The following ST3GAL5 variants were observed in gnomAD, a reference collection of about 807,000 sequenced individuals.
The protein encoded by ST3GAL5 is lactosylceramide alpha-2,3-sialyltransferase.
A neutral mutation model predicts 46.1 loss-of-function variants in ST3GAL5; 25 were observed. The ratio of observed to expected loss-of-function variants is 0.54; its 90% CI spans 0.40 to 0.76. The LOEUF (loss-of-function observed/expected upper bound fraction) is 0.76, where lower values mean the gene tolerates loss of function less well. Ranked by LOEUF, ST3GAL5 falls within the 30% of genes least tolerant of loss-of-function variation. The pLI is 0.00. For missense variants in ST3GAL5, 431 were observed against 521.2 expected (o/e 0.83, Z 1.69); for synonymous variants, 182 against 192.7 (o/e 0.94, Z 0.46).
chr2:85,868,286 T>C lies in ST3GAL5; in HGVS notation c.83-4801A>G, dbSNP rs140725085. Reference sequence around the variant, plus strand: ...ATTGCTAGAATAACTGTGTCATAAATTTCAATAGCAATTATACTTTTGCTT... The same window carrying C: ...ATTGCTAGAATAACTGTGTCATAAACTTCAATAGCAATTATACTTTTGCTT... On this transcript the variant is annotated intron_variant, in intron 1 of 6. Transcript: ENST00000638572. Among the ~76,000 whole-genome samples, 772 of 152,318 alleles carry C rather than the reference T, an allele frequency of 5.1e-3. 1 individual carries two copies. Among genetic ancestry groups the C allele is most frequent in the Middle Eastern group, 6.8e-3 (2 of 294 alleles).
Position 85,861,308 on chromosome 2 carries a change from T to C in ST3GAL5, c.207-16A>G, listed in dbSNP as rs1447028123. 6.7e-7 allele frequency: 1 copy of C among 1,493,528 alleles called. No individual in the cohort carries two copies. Among genetic ancestry groups the C allele is most frequent in the Non-Finnish European group, 9.3e-7 (1 of 1,070,914 alleles). The allele number at this position is 1,493,528 out of a possible 1,614,324, so 92.5% of individuals were successfully genotyped here. A position where few individuals can be genotyped will look rare whatever the true frequency, so the allele number is the denominator to read the frequency against. On this transcript the variant is annotated splice_polypyrimidine_tract_variant and intron_variant, in intron 2 of 6. Coordinates refer to ENST00000638572, the MANE Select transcript of ST3GAL5 (RefSeq NM_003896.4). ...CAATGTACATCTGGAAAAAAATCAA[T>C]TAGGTATTATGATGTAGTCATGTGA...
At position 85,840,276 on chromosome 2, in the gene ST3GAL5, G is replaced by A. The variant is rs1168659446; in HGVS notation, c.1125C>T (p.Phe375=). ...TCATAGCAGCCATGCATTGACTGTC[G>A]AAGTAGTGCAAAGGTGTTCTGGGTT... The part of the protein sequence containing the change: ...LNQPRTPLHY[F]DSQCMAAMNF... The change falls in exon 7 of 7, where the codon TTC becomes TTT. Residue 375 remains phenylalanine, a synonymous_variant. Coordinates refer to ENST00000638572, the MANE Select transcript of ST3GAL5 (RefSeq NM_003896.4). 11 of 1,614,042 alleles carry A rather than the reference G, an allele frequency of 6.8e-6. No individual in the cohort carries two copies. Among genetic ancestry groups the A allele is most frequent in the Non-Finnish European group, 8.5e-6 (10 of 1,180,040 alleles).
At position 85,882,438 on chromosome 2, in the gene ST3GAL5, C is replaced by A. The variant is rs576344001; in HGVS notation, c.82+6386G>T. Among the ~76,000 whole-genome samples the A allele has an allele frequency of 2.1e-3, 318 of 152,316 alleles. 1 individual carries two copies. The highest frequency in any genetic ancestry group is 7.2e-3 in the African/African-American group (298 of 41,568). ...TGGCTAGGAGGGAGGGCGTAACCTGCAAAGCCACAGGGGCAGAGCTGCCCA... is the reference window on the plus strand; with the variant it reads ...TGGCTAGGAGGGAGGGCGTAACCTGAAAAGCCACAGGGGCAGAGCTGCCCA... On this transcript the variant is annotated intron_variant, in intron 1 of 6. Coordinates refer to ENST00000638572, the MANE Select transcript of ST3GAL5 (RefSeq NM_003896.4).
Position 85,848,001 on chromosome 2 carries a change from G to C in ST3GAL5, c.522C>G (p.Leu174=), listed in dbSNP as rs766829186. 1.2e-5 allele frequency: 19 copies of C among 1,614,166 alleles called. No individual in the cohort carries two copies. The East Asian group carries it at 4.2e-4, about 36-fold the overall frequency. The change falls in exon 4 of 7, where the codon CTC becomes CTG. Residue 174 remains leucine (L), a synonymous_variant. Transcript: ENST00000638572. ...FRKFSSKVQT[L]LELLPEHDLP... ...GGTCGTGCTCTGGCAAGAGTTCCAA[G>C]AGGGTCTGGACTTTACTGGAGAACT... is the stretch of plus-strand genomic sequence containing the variant.
chr2:85,840,082 A>G lies in ST3GAL5; in HGVS notation c.*62T>C. ...ATCTGCAGGATGGAGAAATACATCAAGAAGGCTGTCAAAAACAGCTCTCAG... is the reference window on the plus strand; with the variant it reads ...ATCTGCAGGATGGAGAAATACATCAGGAAGGCTGTCAAAAACAGCTCTCAG... On this transcript the variant is annotated 3_prime_UTR_variant, in exon 7 of 7. Transcript: ENST00000638572. The G allele has an allele frequency of 1.9e-6, 3 of 1,612,362 alleles. No individual in the cohort carries two copies. Among genetic ancestry groups the G allele is most frequent in the Non-Finnish European group, 1.7e-6 (2 of 1,178,818 alleles).
chr2:85,864,002 G>A (rs563419485), intron 1 of ST3GAL5, among the ~76,000 whole-genome samples: 7 of 152,232 alleles, frequency 4.6e-5, no homozygotes, highest in East Asian at 1.9e-4. Flanking sequence ...CACTGCACCC[G>A]GCTGATTTTT....
chr2:85,853,910 T>C (rs1013795748), intron 3 of ST3GAL5: 1 of 152,182 alleles, frequency 6.6e-6, no homozygotes, highest in African/African-American at 2.4e-5. Context: ...TTTTGAAAAG[T>C]GGAGCATTTT....
Position 85,853,219 on chromosome 2 carries a change from C to T in ST3GAL5, c.319-5015G>A, listed in dbSNP as rs552422116. 1.8e-4 allele frequency: 92 copies of T among 523,684 alleles called. No individual in the cohort carries two copies. The African/African-American group carries it at 1.8e-3, about 10-fold the overall frequency. 32.4% of individuals were successfully genotyped at this position (523,684 alleles called of 1,614,324 possible). A position where few individuals can be genotyped will look rare whatever the true frequency, so the allele number is the denominator to read the frequency against. ...TTTTGAGTGCAATTTCACATCTGAA[C>T]CACACTTTCAAAGTGTCCAGGCATC... On this transcript the variant is annotated intron_variant, in intron 3 of 6. Coordinates refer to ENST00000638572, the MANE Select transcript of ST3GAL5 (RefSeq NM_003896.4).
intron 1 of ST3GAL5, among the ~76,000 whole-genome samples, chr2:85,884,547 G>A (rs1687543226): frequency 6.6e-6 from 1 of 152,194 alleles, no homozygotes; most frequent in South Asian, 2.1e-4. Flanking sequence ...GGATGAGCAA[G>A]AAGCCCACAT....
rs373154047 is a variant in ST3GAL5 at position 85,857,066 on chromosome 2, CAAAAAAAAAAAAAA to C, written c.318+4101_318+4114del. On this transcript the variant is annotated intron_variant, in intron 3 of 6. Transcript: ENST00000638572. ...AAACACGGTAAGACCCTGCCTCTAC[CAAAAAAAAAAAAAA>C]AAAAAAAAAAAAAAAAATAGGCACG... 0.014 allele frequency among the ~76,000 whole-genome samples: 979 copies of C among 71,014 alleles called. 66 individuals are homozygous for C. In the East Asian group the frequency reaches 0.18, roughly 13 times the overall value. The allele number at this position is 71,014 out of a possible 152,430, so 46.6% of individuals were successfully genotyped here.
At chr2:85,848,795 T>C (rs1015237490) in intron 3 of ST3GAL5, 7 of 158,544 alleles carry the variant, frequency 4.4e-5, no homozygotes, top group Non-Finnish European at 9.8e-5. Flanking sequence ...TACTTAATGC[T>C]GCCAAATGGT....
In ST3GAL5 at chr2:85,880,142, C is replaced by A. The variant is rs558756283; in HGVS notation, c.82+8682G>T. Among the ~76,000 whole-genome samples the A allele has an allele frequency of 2.1e-4, 32 of 152,112 alleles. 1 individual carries two copies. Among genetic ancestry groups the A allele is most frequent in the Admixed American group, 7.2e-4 (11 of 15,270 alleles). ...AAAGCCCCAAATCAGAAAATAATGA[C>A]CCTAGAAAAGGAACTGGAGGGACAG... On this transcript the variant is annotated intron_variant, in intron 1 of 6. Coordinates refer to ENST00000638572, the MANE Select transcript of ST3GAL5 (RefSeq NM_003896.4).
intron 1 of ST3GAL5, among the ~76,000 whole-genome samples, chr2:85,870,678 CTTT>C (rs898048174): frequency 6.9e-6 from 1 of 143,948 alleles, no homozygotes. Flanking sequence ...TAATCGTACA[CTTT>C]TTTTTTTTTT....
intron 3 of ST3GAL5, chr2:85,851,815 A>C: frequency 2.4e-6 from 2 of 845,126 alleles, no homozygotes; most frequent in South Asian, 1.5e-5. Flanking sequence ...GATGAGGCTC[A>C]CTGGAAGCCA....
At chr2:85,847,424 A>G in intron 4 of ST3GAL5, 1 of 1,010,668 alleles carries the variant, frequency 9.9e-7, no homozygotes, top group Non-Finnish European at 1.2e-6. Context: ...TCAGTATGAC[A>G]GTTTGGAGCA....
chr2:85,881,234 T>G (rs1687114026), intron 1 of ST3GAL5, among the ~76,000 whole-genome samples: 1 of 152,236 alleles, frequency 6.6e-6, no homozygotes, highest in Non-Finnish European at 1.5e-5. Flanking sequence ...TAAATCCAAT[T>G]AAACCTCTTT....
At chr2:85,869,668 A>G (rs1001519763) in intron 1 of ST3GAL5, among the ~76,000 whole-genome samples, 1 of 152,184 alleles carries the variant, frequency 6.6e-6, no homozygotes, top group East Asian at 1.9e-4. Flanking sequence ...AACTGGAAAA[A>G]AACAGATTTA....
At chr2:85,861,421 C>T in intron 2 of ST3GAL5, 129 bp from the exon 3 acceptor site, 2 of 699,630 alleles carry the variant, frequency 2.9e-6, no homozygotes, top group Non-Finnish European at 5.2e-6. Context: ...TTTAAGTTGA[C>T]ATTGGGGTGA....
At chr2:85,870,107 TTTC>T (rs1685756027) in intron 1 of ST3GAL5, 1 of 438,274 alleles carries the variant, frequency 2.3e-6, no homozygotes, top group African/African-American at 2.0e-5. Flanking sequence ...GTATGCATGC[TTTC>T]TTTTTTCTTT....
Sources: allele counts gnomAD v4.1 joint callset (sites outside exome capture counted in the v4.1 genomes callset), GRCh38; gene constraint gnomAD v4.1.1; transcripts MANE v1.5; gene names NCBI Gene and HGNC (gene_info 2026-07-23, HGNC 2026-07-21).